Variants in CCDC3 observed in about 807,000 individuals in gnomAD.
CCDC3 encodes coiled-coil domain containing 3, also known as coiled-coil domain-containing protein 3.
CCDC3 carries 24 observed loss-of-function variants against 21.4 expected under a neutral mutation model. That is an observed-to-expected ratio of 1.12 (90% CI 0.81 to 1.58). The LOEUF (loss-of-function observed/expected upper bound fraction) is 1.58, where lower values mean the gene tolerates loss of function less well. CCDC3 is among the 40% of genes most tolerant of loss of function. The probability of loss-of-function intolerance (pLI) is 0.00; values close to 1 mark genes in which losing one functional copy is unlikely to be tolerated. For missense variants in CCDC3, 425 were observed against 360.9 expected, an observed-to-expected ratio of 1.18 and a Z score of -1.44; for synonymous variants, 186 against 166.0, an observed-to-expected ratio of 1.12 and a Z score of -0.93.
At chr10:13,029,927 A>G (rs1026253534) in intron 5 of CCDC3, among the ~76,000 whole-genome samples, 2 of 152,214 alleles carry the variant, frequency 1.3e-5, no homozygotes, top group South Asian at 2.1e-4. Context: ...GCAGGATATT[A>G]TCCAGGAGAA....
At chr10:12,903,088 ACGTAT>A (rs1459420042) in intron 2 of CCDC3, among the ~76,000 whole-genome samples, 1 of 152,200 alleles carries the variant, frequency 6.6e-6, no homozygotes, top group African/African-American at 2.4e-5. Flanking sequence ...GACTCTAGTA[ACGTAT>A]CCAAGACAAC....
intron 5 of CCDC3, among the ~76,000 whole-genome samples, chr10:13,043,420 C>A (rs1319984664): frequency 1.3e-5 from 2 of 151,982 alleles, no homozygotes; most frequent in African/African-American, 4.8e-5. Flanking sequence ...TGGTGAAAAC[C>A]TGCTTCTACT....
At chr10:12,988,363 T>G (rs532462215) in intron 2 of CCDC3, among the ~76,000 whole-genome samples, 8 of 152,306 alleles carry the variant, frequency 5.3e-5, no homozygotes, top group South Asian at 4.1e-4. Context: ...CTTTTTTTTT[T>G]GAGACAGAGT....
chr10:12,933,846 T>C (rs535250592), intron 2 of CCDC3, among the ~76,000 whole-genome samples: 1 of 152,226 alleles, frequency 6.6e-6, no homozygotes, highest in Non-Finnish European at 1.5e-5. Context: ...CATGTCTTTT[T>C]TCCTATAATT....
chr10:12,912,951 T>G (rs1834293157), intron 2 of CCDC3, among the ~76,000 whole-genome samples: 1 of 152,240 alleles, frequency 6.6e-6, no homozygotes, highest in Non-Finnish European at 1.5e-5. Flanking sequence ...CTCTATTCTG[T>G]TCAATTGGTA....
intron 4 of CCDC3, among the ~76,000 whole-genome samples, chr10:13,062,925 C>T (rs905521184): frequency 1.4e-5 from 2 of 146,142 alleles, no homozygotes; most frequent in African/African-American, 5.1e-5. Flanking sequence ...ATGGCCCCCA[C>T]CCAGTAACTG....
chr10:12,909,727 G>A (rs12243442), intron 2 of CCDC3, among the ~76,000 whole-genome samples: 23,544 of 152,154 alleles, frequency 0.15, 2,419 homozygotes, highest in African/African-American at 0.28. Context: ...TCCCAAGGAG[G>A]GGGATCCTAG....
intron 5 of CCDC3, among the ~76,000 whole-genome samples, chr10:13,023,071 T>C (rs1836167568): frequency 1.1e-5 from 1 of 91,656 alleles, no homozygotes; most frequent in African/African-American, 3.3e-5. Context: ...CCTTGAGTTG[T>C]GTTTTTTTTT....
chr10:12,988,484 T>C (rs1455756602), intron 2 of CCDC3, among the ~76,000 whole-genome samples: 1 of 152,042 alleles, frequency 6.6e-6, no homozygotes, highest in African/African-American at 2.4e-5. Flanking sequence ...GCTGGGATTA[T>C]AGGTATGTGC....
intron 5 of CCDC3, among the ~76,000 whole-genome samples, chr10:13,048,382 C>CG (rs915729625): frequency 3.9e-5 from 6 of 151,952 alleles, no homozygotes; most frequent in Non-Finnish European, 8.8e-5. Flanking sequence ...TTACTAGAGA[C>CG]GGGGTTTCAC....
At chr10:12,977,986 A>G (rs1164296149) in intron 2 of CCDC3, among the ~76,000 whole-genome samples, 3 of 151,712 alleles carry the variant, frequency 2.0e-5, no homozygotes, top group East Asian at 1.9e-4. Flanking sequence ...GACCACATGT[A>G]TCGCTTGGGA....
chr10:13,033,522 A>T (rs1329403244), intron 5 of CCDC3, among the ~76,000 whole-genome samples: 1 of 152,238 alleles, frequency 6.6e-6, no homozygotes, highest in African/African-American at 2.4e-5. Flanking sequence ...GCTTCTGCAC[A>T]GCAAAAGAAA....
intron 2 of CCDC3, among the ~76,000 whole-genome samples, chr10:12,969,005 T>A (rs890270711): frequency 2.6e-5 from 4 of 152,108 alleles, no homozygotes; most frequent in Admixed American, 6.6e-5. Flanking sequence ...TACCTATCAA[T>A]AATTATCTTG....
intron 3 of CCDC3, among the ~76,000 whole-genome samples, chr10:13,076,926 C>T (rs1313212855): frequency 6.6e-6 from 1 of 152,130 alleles, no homozygotes; most frequent in Non-Finnish European, 1.5e-5. Flanking sequence ...AAAATTGCTT[C>T]CCATTCCCTT....
intron 5 of CCDC3, among the ~76,000 whole-genome samples, chr10:13,028,979 G>A (rs1836262686): frequency 6.6e-6 from 1 of 152,170 alleles, no homozygotes; most frequent in South Asian, 2.1e-4. Flanking sequence ...ATGCTTATTT[G>A]ATCAGTGAAT....
At chr10:13,041,810 G>A (rs1836460714) in intron 5 of CCDC3, among the ~76,000 whole-genome samples, 1 of 150,830 alleles carries the variant, frequency 6.6e-6, no homozygotes, top group Non-Finnish European at 1.5e-5. Flanking sequence ...CTTGATGGAG[G>A]CTCCCAGAAG....
intron 2 of CCDC3, among the ~76,000 whole-genome samples, chr10:12,977,266 C>T (rs1402907004): frequency 6.8e-6 from 1 of 147,020 alleles, no homozygotes; most frequent in Admixed American, 6.8e-5. Context: ...CAGAGCGAGA[C>T]CTTGTCTCAA....
At chr10:12,898,995 A>G (rs1028236376) in intron 2 of CCDC3, among the ~76,000 whole-genome samples, 2 of 152,240 alleles carry the variant, frequency 1.3e-5, no homozygotes, top group African/African-American at 4.8e-5. Context: ...CTTTGGTAGA[A>G]GACCAAAACC....
chr10:12,961,506 C>T (rs922452049), intron 2 of CCDC3, among the ~76,000 whole-genome samples: 21 of 152,192 alleles, frequency 1.4e-4, no homozygotes, highest in African/African-American at 4.8e-4. Context: ...AATCTATTTA[C>T]AGACATGGTC....
Sources: allele counts gnomAD v4.1 joint callset (sites outside exome capture counted in the v4.1 genomes callset), GRCh38; gene constraint gnomAD v4.1.1; transcripts MANE v1.5; gene names NCBI Gene and HGNC (gene_info 2026-07-23, HGNC 2026-07-21).